The following SCYL2 variants were observed in gnomAD, a reference collection of about 807,000 sequenced individuals.
SCYL2 encodes SCY1-like protein 2.
Under a neutral mutation model 100.4 loss-of-function variants are expected in SCYL2, and 36 were observed. That is an observed-to-expected ratio of 0.36 (90% CI 0.27 to 0.47). The LOEUF is 0.47. Among genes scored for constraint, SCYL2 ranks in the 20% least tolerant of loss-of-function variants. SCYL2 has a pLI of 1.00. For missense variants in SCYL2, 902 were observed against 1,083.9 expected, an observed-to-expected ratio of 0.83 and a Z score of 2.36; for synonymous variants, 330 against 359.2, an observed-to-expected ratio of 0.92 and a Z score of 0.92.
chr12:100,271,382 G>C (rs2096287531), intron 1 of SCYL2, among the ~76,000 whole-genome samples: 1 of 151,756 alleles, frequency 6.6e-6, no homozygotes, highest in Non-Finnish European at 1.5e-5. Context: ...CAGATTTTGT[G>C]AAGTATTTAA....
chr12:100,295,277 C>A (rs1343904797), intron 3 of SCYL2, among the ~76,000 whole-genome samples: 1 of 151,996 alleles, frequency 6.6e-6, no homozygotes, highest in Non-Finnish European at 1.5e-5. Context: ...AGAGACGCTC[C>A]TCACTTCCCA....
chr12:100,273,588 G>A lies in SCYL2; in HGVS notation c.-29+5796G>A, dbSNP rs542767508. Among the ~76,000 whole-genome samples, 12 of 152,256 alleles carry A rather than the reference G, an allele frequency of 7.9e-5. No homozygotes were observed. In the South Asian group the frequency reaches 2.5e-3, roughly 32 times the overall value. ...CATACGTACATCAGTGTTGACTCTG[G>A]ATGATGGATAGCATCTCAAATTTGA... On this transcript the variant is annotated intron_variant, in intron 1 of 17. Coordinates refer to ENST00000360820, the MANE Select transcript of SCYL2 (RefSeq NM_017988.6).
Position 100,326,702 on chromosome 12 carries a change from C to T in SCYL2, c.1590C>T (p.Pro530=), listed in dbSNP as rs1292943843. 6 of 1,611,522 alleles carry T rather than the reference C, an allele frequency of 3.7e-6. No homozygotes were observed. The highest frequency in any genetic ancestry group is 2.2e-5 in the East Asian group (1 of 44,728). ...GGTTTGTACTTGATGATATCCTACC[C>T]TTCTTACAACAAATTCCATCCAAGG... The part of the protein sequence containing the change: ...DKWFVLDDIL[P]FLQQIPSKEP... The change falls in exon 12 of 18, where the codon CCC becomes CCT. Residue 530 remains proline, a synonymous_variant. Coordinates refer to ENST00000360820, the MANE Select transcript of SCYL2 (RefSeq NM_017988.6).
At chr12:100,321,459 T>C (rs1566366479) in intron 10 of SCYL2, among the ~76,000 whole-genome samples, 1 of 152,204 alleles carries the variant, frequency 6.6e-6, no homozygotes, top group Non-Finnish European at 1.5e-5. Context: ...TTTCATTTTC[T>C]CATTTAGTTC....
chr12:100,323,586 A>T lies in SCYL2; in HGVS notation c.1457A>T (p.Asn486Ile). 6.2e-7 allele frequency: 1 copy of T among 1,606,234 alleles called. No homozygotes were observed. The highest frequency in any genetic ancestry group is 2.2e-5 in the East Asian group (1 of 44,618). Residue 486 changes from asparagine to isoleucine, a missense_variant, in exon 11 of 18, where the codon AAC becomes ATC. Transcript: ENST00000360820. ...ANLIDYPSMK[N>I]ALIPRIKNAC... Reference sequence around the variant, plus strand: ...CTTATAGACTACCCATCCATGAAAAACGCTTTGATACCAAGAATTAAAAAT... The same window carrying T: ...CTTATAGACTACCCATCCATGAAAATCGCTTTGATACCAAGAATTAAAAAT...
intron 4 of SCYL2, among the ~76,000 whole-genome samples, chr12:100,304,520 C>T (rs899975594): frequency 6.6e-6 from 1 of 152,124 alleles, no homozygotes; most frequent in African/African-American, 2.4e-5. Flanking sequence ...GAGGGAGTTC[C>T]CCGACCCCTT....
chr12:100,295,917 C>G (rs368455839), intron 3 of SCYL2, among the ~76,000 whole-genome samples: 4 of 152,156 alleles, frequency 2.6e-5, no homozygotes, highest in Non-Finnish European at 4.4e-5. Flanking sequence ...GAGCAGATGC[C>G]GGGCCATCCT....
At chr12:100,294,883 G>C (rs550213432) in intron 3 of SCYL2, among the ~76,000 whole-genome samples, 10 of 147,666 alleles carry the variant, frequency 6.8e-5, no homozygotes, top group African/African-American at 2.0e-4. Flanking sequence ...CGGGCGGAGA[G>C]GCTCCTCACT....
chr12:100,278,943 T>C (rs1455537701), intron 1 of SCYL2, among the ~76,000 whole-genome samples: 2 of 152,152 alleles, frequency 1.3e-5, no homozygotes, highest in Admixed American at 6.6e-5. Flanking sequence ...GAGGAAATTC[T>C]TATCTTTGTT....
At chr12:100,310,393 C>T (rs547117218) in intron 4 of SCYL2, among the ~76,000 whole-genome samples, 4 of 152,232 alleles carry the variant, frequency 2.6e-5, no homozygotes, top group Admixed American at 2.0e-4. Flanking sequence ...TTAGTGACTT[C>T]GAGCATCTTT....
chr12:100,315,792 C>T, intron 9 of SCYL2, 58 bp downstream of exon 9: 1 of 1,371,042 alleles, frequency 7.3e-7, no homozygotes, highest in South Asian at 1.7e-5. Flanking sequence ...GTGACTATCA[C>T]TGAAAACAAA....
rs11354103 is a variant in SCYL2, at chr12:100,271,260, C to CAAAA, written c.-29+3487_-29+3490dup. Among the ~76,000 whole-genome samples, 103 of 83,260 alleles carry CAAAA rather than the reference C, an allele frequency of 1.2e-3. 6 individuals are homozygous for CAAAA. Among genetic ancestry groups the CAAAA allele is most frequent in the African/African-American group, 4.4e-3 (83 of 19,046 alleles). 54.6% of individuals were successfully genotyped at this position (83,260 alleles called of 152,430 possible). A position where few individuals can be genotyped will look rare whatever the true frequency, so the allele number is the denominator to read the frequency against. Reference sequence around the variant, plus strand: ...GTTAGCCCTGCTCCTTGCAGAGCAGCAAAAAAAAAAAAAAAAAAAAAAGAG... The same window carrying CAAAA: ...GTTAGCCCTGCTCCTTGCAGAGCAGCAAAAAAAAAAAAAAAAAAAAAAAAAAGAG... On this transcript the variant is annotated intron_variant, in intron 1 of 17. Transcript: ENST00000360820.
At chr12:100,311,260 A>G (rs2096341856) in intron 5 of SCYL2, 67 bp downstream of exon 5, 1 of 1,485,292 alleles carries the variant, frequency 6.7e-7, no homozygotes, top group South Asian at 1.4e-5. Flanking sequence ...GGAATGGACT[A>G]GAAATAGGCT....
intron 1 of SCYL2, 23 bp from the exon 2 acceptor site, chr12:100,282,920 C>T (rs762438480): frequency 1.7e-6 from 2 of 1,196,662 alleles, no homozygotes; most frequent in Non-Finnish European, 2.4e-6. Flanking sequence ...GATCAGTTCT[C>T]CACTATCCTT....
At chr12:100,322,053 A>G (rs2096356398) in intron 10 of SCYL2, among the ~76,000 whole-genome samples, 1 of 150,908 alleles carries the variant, frequency 6.6e-6, no homozygotes, top group African/African-American at 2.4e-5. Flanking sequence ...CCAAAAAAAA[A>G]AAAAAAAGAA....
chr12:100,326,702 C>G lies in SCYL2; in HGVS notation c.1590C>G (p.Pro530=), dbSNP rs1292943843. Residue 530 remains proline (P), a synonymous_variant, in exon 12 of 18, where the codon CCC becomes CCG. Coordinates refer to ENST00000360820, the MANE Select transcript of SCYL2 (RefSeq NM_017988.6). ...DKWFVLDDIL[P]FLQQIPSKEP... ...GGTTTGTACTTGATGATATCCTACC[C>G]TTCTTACAACAAATTCCATCCAAGG... is the stretch of plus-strand genomic sequence containing the variant. 6.2e-7 allele frequency: 1 copy of G among 1,611,640 alleles called. No individual in the cohort carries two copies. The highest frequency in any genetic ancestry group is 2.2e-5 in the East Asian group (1 of 44,716).
chr12:100,335,156 A>T (rs1303052029), intron 14 of SCYL2, among the ~76,000 whole-genome samples: 1 of 152,112 alleles, frequency 6.6e-6, no homozygotes, highest in Non-Finnish European at 1.5e-5. Context: ...ATTTTTAATA[A>T]CAAGTATTTA....
chr12:100,338,987 G>T lies in SCYL2; in HGVS notation c.2605G>T (p.Val869Leu). The T allele has an allele frequency of 6.2e-7, 1 of 1,614,096 alleles. No homozygotes were observed. Among genetic ancestry groups the T allele is most frequent in the South Asian group, 1.1e-5 (1 of 91,080 alleles). ...ACCAAATCAGTGGCTTAATCAGTTT[G>T]TACCTCCTCAAGGTTCTCCAACTAT... ...QKPNQWLNQF[V>L]PPQGSPTMGS... The change falls in exon 18 of 18, where the codon GTA (valine) becomes TTA (leucine). Residue 869 changes from valine (V) to leucine (L), a missense_variant. Val to Leu is a conservative substitution (Grantham distance 32). Transcript: ENST00000360820.
At chr12:100,305,068 G>A (rs1095974) in intron 4 of SCYL2, among the ~76,000 whole-genome samples, 2 of 152,172 alleles carry the variant, frequency 1.3e-5, no homozygotes, top group Admixed American at 6.5e-5. Flanking sequence ...GACTTTAACA[G>A]CCCATTGTCA....
Sources: allele counts gnomAD v4.1 joint callset (sites outside exome capture counted in the v4.1 genomes callset), GRCh38; gene constraint gnomAD v4.1.1; transcripts MANE v1.5; gene names NCBI Gene and HGNC (gene_info 2026-07-23, HGNC 2026-07-21).